The following DAB1 variants were observed in gnomAD, a reference collection of about 807,000 sequenced individuals.
DAB1 encodes the protein disabled homolog 1.
Under a neutral mutation model 64.6 loss-of-function variants are expected in DAB1, and 15 were observed. The ratio of observed to expected loss-of-function variants is 0.23; its 90% CI spans 0.16 to 0.36. The LOEUF is 0.36. DAB1 is among the 10% of genes least tolerant of loss of function. The pLI is 1.00. For synonymous variants in DAB1, 235 were observed against 251.9 expected, an observed-to-expected ratio of 0.93 and a Z score of 0.64; for missense variants, 596 against 706.7, an observed-to-expected ratio of 0.84 and a Z score of 1.78.
intron 4 of DAB1, among the ~76,000 whole-genome samples, chr1:58,159,753 C>A (rs1198200302): frequency 1.3e-5 from 2 of 152,130 alleles, no homozygotes; most frequent in Non-Finnish European, 2.9e-5. Context: ...TTCTTTCCAG[C>A]AAGACACAGG....
At chr1:57,034,929 A>C (rs1647090694) in intron 9 of DAB1, among the ~76,000 whole-genome samples, 1 of 152,228 alleles carries the variant, frequency 6.6e-6, no homozygotes, top group Non-Finnish European at 1.5e-5. Context: ...AGAGCAGAGC[A>C]GAGTGGAAGA....
intron 7 of DAB1, among the ~76,000 whole-genome samples, chr1:57,646,670 G>T (rs1022217451): frequency 8.5e-5 from 13 of 152,106 alleles, no homozygotes; most frequent in African/African-American, 2.9e-4. Flanking sequence ...GATCGCTTGA[G>T]CCCAGGAGGT....
At chr1:57,789,257 A>T (rs545496777) in intron 6 of DAB1, among the ~76,000 whole-genome samples, 1 of 152,282 alleles carries the variant, frequency 6.6e-6, no homozygotes, top group South Asian at 2.1e-4. Flanking sequence ...ATATCTATTT[A>T]TGCAGCAGAC....
chr1:57,785,814 C>T (rs973596915), intron 6 of DAB1, among the ~76,000 whole-genome samples: 2 of 152,168 alleles, frequency 1.3e-5, no homozygotes, highest in East Asian at 3.9e-4. Flanking sequence ...TAGAATATTA[C>T]ATAAACTTGA....
chr1:57,130,827 C>T (rs1570748038), intron 4 of DAB1, among the ~76,000 whole-genome samples: 1 of 152,070 alleles, frequency 6.6e-6, no homozygotes, highest in East Asian at 1.9e-4. Context: ...AGTCTAGTTG[C>T]ATTTCTGGAA....
chr1:57,543,684 C>A (rs1237269534), intron 7 of DAB1, among the ~76,000 whole-genome samples: 1 of 152,016 alleles, frequency 6.6e-6, no homozygotes, highest in Non-Finnish European at 1.5e-5. Context: ...GGACCTGGGC[C>A]AAGCAGAAAA....
chr1:57,449,865 T>A (rs1686286185), intron 7 of DAB1, among the ~76,000 whole-genome samples: 1 of 152,222 alleles, frequency 6.6e-6, no homozygotes, highest in Non-Finnish European at 1.5e-5. Flanking sequence ...ACTTGCTGTA[T>A]TTGTTAGGTT....
intron 6 of DAB1, among the ~76,000 whole-genome samples, chr1:57,776,338 G>A (rs1376720261): frequency 6.6e-6 from 1 of 151,640 alleles, no homozygotes; most frequent in Non-Finnish European, 1.5e-5. Context: ...CAGGCATTTA[G>A]AATAAGGGAT....
At chr1:57,729,356 T>C (rs1647313646) in intron 6 of DAB1, among the ~76,000 whole-genome samples, 1 of 152,212 alleles carries the variant, frequency 6.6e-6, no homozygotes, top group Non-Finnish European at 1.5e-5. Flanking sequence ...GTGTCACATA[T>C]GAGCCCAGCG....
chr1:58,436,779 G>C (rs145156617), intron 3 of DAB1, among the ~76,000 whole-genome samples: 41 of 152,316 alleles, frequency 2.7e-4, no homozygotes, highest in Admixed American at 7.8e-4. Flanking sequence ...CTTGGTTGTA[G>C]AGTATTTAAA....
At chr1:57,508,289 G>A (rs1644368458) in intron 7 of DAB1, among the ~76,000 whole-genome samples, 1 of 152,110 alleles carries the variant, frequency 6.6e-6, no homozygotes, top group African/African-American at 2.4e-5. Context: ...GCCTGATGAG[G>A]GCAGAGGCTT....
rs544977944 is a variant in DAB1, at chr1:58,116,723, T to C, written n.387+33788A>G. Among the ~76,000 whole-genome samples, 4 of 152,322 alleles carry C rather than the reference T, an allele frequency of 2.6e-5. No homozygotes were observed. In the East Asian group the frequency reaches 5.8e-4, roughly 22 times the overall value. On this transcript the variant is annotated intron_variant and non_coding_transcript_variant, in intron 5 of 20. Coordinates refer to the DAB1 transcript ENST00000485760. Reference sequence around the variant, plus strand: ...GCTAGACTTCAATCTCTATTCTTTCTTCCTAGTTTTTCACTCTATAATTCA... The same window carrying C: ...GCTAGACTTCAATCTCTATTCTTTCCTCCTAGTTTTTCACTCTATAATTCA...
intron 5 of DAB1, among the ~76,000 whole-genome samples, chr1:57,918,744 A>T (rs1404681908): frequency 2.0e-5 from 3 of 152,184 alleles, no homozygotes; most frequent in Non-Finnish European, 4.4e-5. Flanking sequence ...GAATGGTGTG[A>T]ACCCAGGAGG....
chr1:57,936,587 G>A (rs1466999244), intron 5 of DAB1, among the ~76,000 whole-genome samples: 3 of 151,996 alleles, frequency 2.0e-5, no homozygotes, highest in Admixed American at 6.6e-5. Context: ...GTTTTTATTA[G>A]CGATGGGATT....
At chr1:58,442,173 A>G (rs1645018347) in intron 3 of DAB1, among the ~76,000 whole-genome samples, 2 of 152,186 alleles carry the variant, frequency 1.3e-5, no homozygotes, top group African/African-American at 2.4e-5. Flanking sequence ...ATGTGCACGT[A>G]TGTGTGCATG....
At chr1:58,293,535 A>G (rs1013634347) in intron 4 of DAB1, among the ~76,000 whole-genome samples, 2 of 152,192 alleles carry the variant, frequency 1.3e-5, no homozygotes, top group Non-Finnish European at 2.9e-5. Flanking sequence ...AGCAATGGAA[A>G]GGCTGAATTG....
intron 5 of DAB1, among the ~76,000 whole-genome samples, chr1:57,997,152 G>T (rs1020918331): frequency 3.9e-5 from 6 of 152,080 alleles, no homozygotes; most frequent in African/African-American, 1.2e-4. Flanking sequence ...TCGGCAAGTG[G>T]GCACCAGCAT....
chr1:57,741,068 C>A (rs1033497115), intron 6 of DAB1, among the ~76,000 whole-genome samples: 1 of 152,070 alleles, frequency 6.6e-6, no homozygotes, highest in Non-Finnish European at 1.5e-5. Flanking sequence ...GCACAGTTAA[C>A]GACTACATCT....
At chr1:57,106,374 G>A (rs1475414212) in intron 4 of DAB1, among the ~76,000 whole-genome samples, 16 of 152,090 alleles carry the variant, frequency 1.1e-4, no homozygotes, top group South Asian at 2.1e-4. Flanking sequence ...TGGAAGGAGC[G>A]GGTGTTCTGT....
Sources: gnomAD v4.1 joint callset for allele counts (sites outside exome capture counted in the v4.1 genomes callset) on GRCh38, gnomAD v4.1.1 for gene constraint, MANE v1.5 for transcripts, NCBI Gene and HGNC (gene_info 2026-07-23, HGNC 2026-07-21) for gene names.